Variants in FAM135A observed in about 807,000 individuals in gnomAD.
The protein encoded by FAM135A is family with sequence similarity 135 member A, also known as protein FAM135A.
A neutral mutation model predicts 146.8 loss-of-function variants in FAM135A; 79 were observed. The ratio of observed to expected loss-of-function variants is 0.54; its 90% CI spans 0.45 to 0.65. FAM135A has a LOEUF of 0.65. FAM135A is among the 30% of genes least tolerant of loss of function. FAM135A has a pLI of 0.00. For synonymous variants in FAM135A, 562 were observed against 603.6 expected (o/e 0.93, Z 1.01); for missense variants, 1,623 against 1,758.2 (o/e 0.92, Z 1.38).
intron 20 of FAM135A, among the ~76,000 whole-genome samples, chr6:70,553,515 C>T (rs1461502119): frequency 6.6e-6 from 1 of 151,940 alleles, no homozygotes; most frequent in Non-Finnish European, 1.5e-5. Flanking sequence ...TATGTGGGAG[C>T]CAATATTGAT....
At chr6:70,541,181 C>G (rs968682568) in intron 20 of FAM135A, among the ~76,000 whole-genome samples, 1 of 152,072 alleles carries the variant, frequency 6.6e-6, no homozygotes. Context: ...AAAGTTATTC[C>G]CATTTCTTCC....
At chr6:70,476,757 G>A (rs1468421003) in intron 7 of FAM135A, among the ~76,000 whole-genome samples, 1 of 151,974 alleles carries the variant, frequency 6.6e-6, no homozygotes, top group African/African-American at 2.4e-5. Context: ...ATAAAATTTT[G>A]TAGAGTAAAA....
intron 5 of FAM135A, among the ~76,000 whole-genome samples, chr6:70,470,603 C>T (rs1167849301): frequency 2.0e-4 from 30 of 152,158 alleles, no homozygotes; most frequent in Admixed American, 1.8e-3. Context: ...GTGATCTGCC[C>T]GCCTCAGCCT....
At chr6:70,449,437 C>T (rs1178025616) in intron 4 of FAM135A, among the ~76,000 whole-genome samples, 1 of 152,150 alleles carries the variant, frequency 6.6e-6, no homozygotes, top group Non-Finnish European at 1.5e-5. Flanking sequence ...TGGTAAACAC[C>T]ATTCTACTCT....
At chr6:70,512,576 G>A (rs2128297822) in intron 12 of FAM135A, among the ~76,000 whole-genome samples, 1 of 151,580 alleles carries the variant, frequency 6.6e-6, no homozygotes, top group Admixed American at 6.6e-5. Context: ...TTTCATTATG[G>A]CTTTATTTTG....
chr6:70,544,905 G>A (rs1020484698), intron 20 of FAM135A, among the ~76,000 whole-genome samples: 7 of 151,724 alleles, frequency 4.6e-5, no homozygotes, highest in Non-Finnish European at 8.8e-5. Context: ...ATAAAAATTA[G>A]CCAGGCGTGG....
chr6:70,528,175 C>G, intron 15 of FAM135A, 117 bp from the exon 16 acceptor site: 5 of 892,366 alleles, frequency 5.6e-6, no homozygotes, highest in Non-Finnish European at 8.0e-6. Context: ...CACATATTTT[C>G]ATGGTTTTAA....
At chr6:70,471,521 T>C (rs1447305590) in intron 5 of FAM135A, among the ~76,000 whole-genome samples, 2 of 151,916 alleles carry the variant, frequency 1.3e-5, no homozygotes, top group South Asian at 2.1e-4. Context: ...TGAGAACACA[T>C]GAATACATCC....
chr6:70,543,352 C>A (rs983791345), intron 20 of FAM135A, among the ~76,000 whole-genome samples: 3 of 152,150 alleles, frequency 2.0e-5, no homozygotes, highest in African/African-American at 7.2e-5. Context: ...ATTGAAAATA[C>A]CACTGCTTTT....
intron 11 of FAM135A, among the ~76,000 whole-genome samples, chr6:70,496,305 C>A (rs951539107): frequency 6.6e-6 from 1 of 152,100 alleles, no homozygotes; most frequent in Non-Finnish European, 1.5e-5. Flanking sequence ...TAAATGTCTT[C>A]TTTTGAGATG....
At chr6:70,493,685 T>C (rs1786565641) in intron 11 of FAM135A, among the ~76,000 whole-genome samples, 1 of 152,162 alleles carries the variant, frequency 6.6e-6, no homozygotes, top group Non-Finnish European at 1.5e-5. Flanking sequence ...TGTAAAAATG[T>C]TTAATAAATG....
chr6:70,480,487 A>G (rs1452552638), intron 8 of FAM135A, among the ~76,000 whole-genome samples: 1 of 152,188 alleles, frequency 6.6e-6, no homozygotes, highest in Non-Finnish European at 1.5e-5. Flanking sequence ...TTCTTTTTCT[A>G]CATTTACATG....
chr6:70,505,386 T>C (rs1459151867), intron 12 of FAM135A, among the ~76,000 whole-genome samples: 1 of 152,166 alleles, frequency 6.6e-6, no homozygotes, highest in East Asian at 1.9e-4. Flanking sequence ...CCTTTACTCA[T>C]TTAATCTGGA....
At position 70,494,898 on chromosome 6, in the gene FAM135A, A is replaced by G. The variant is rs78875719; in HGVS notation, c.873+3815A>G. Among the ~76,000 whole-genome samples, 503 of 152,306 alleles carry G rather than the reference A, an allele frequency of 3.3e-3. 8 individuals are homozygous for G. The highest frequency in any genetic ancestry group is 0.023 in the Admixed American group (346 of 15,288). ...ACTTTTGTATAGACTATGCTAAGTA[A>G]AGTGTTCATATCTTATACAGTGCTA... On this transcript the variant is annotated intron_variant, in intron 11 of 21. Transcript: ENST00000418814.
At chr6:70,522,257 A>T (rs1267320054) in intron 12 of FAM135A, among the ~76,000 whole-genome samples, 1 of 152,098 alleles carries the variant, frequency 6.6e-6, no homozygotes, top group Non-Finnish European at 1.5e-5. Context: ...TTAGGAGGGG[A>T]GATGATTTAT....
At chr6:70,508,985 C>T (rs1367328970) in intron 12 of FAM135A, among the ~76,000 whole-genome samples, 2 of 152,144 alleles carry the variant, frequency 1.3e-5, no homozygotes, top group African/African-American at 4.8e-5. Context: ...TGTGTGGAAG[C>T]AGGGCCTTTT....
Position 70,514,259 on chromosome 6 carries a change from T to G in FAM135A, c.1030-8254T>G, listed in dbSNP as rs576998205. ...TTCATTAACTCTTTTCTGTAGCAAC[T>G]AATCTGCTCTTAATCTCATCTAGTA... On this transcript the variant is annotated intron_variant, in intron 12 of 21. Coordinates refer to ENST00000418814, the MANE Select transcript of FAM135A (RefSeq NM_001162529.3). 7.9e-5 allele frequency among the ~76,000 whole-genome samples: 12 copies of G among 152,292 alleles called. No individual in the cohort carries two copies. The South Asian group carries it at 2.3e-3, about 29-fold the overall frequency.
intron 5 of FAM135A, among the ~76,000 whole-genome samples, chr6:70,458,268 C>T (rs1285926765): frequency 6.6e-6 from 1 of 152,106 alleles, no homozygotes; most frequent in Non-Finnish European, 1.5e-5. Context: ...ATCTCTTTCA[C>T]CCTTTTTTCT....
intron 5 of FAM135A, among the ~76,000 whole-genome samples, chr6:70,464,988 A>T (rs917057781): frequency 5.3e-5 from 8 of 151,484 alleles, no homozygotes; most frequent in African/African-American, 1.7e-4. Context: ...CTGACCTAAA[A>T]TTTTGTTATC....
Sources: gnomAD v4.1 joint callset for allele counts (sites outside exome capture counted in the v4.1 genomes callset) on GRCh38, gnomAD v4.1.1 for gene constraint, MANE v1.5 for transcripts, NCBI Gene and HGNC (gene_info 2026-07-23, HGNC 2026-07-21) for gene names.